The following MGRN1 variants were observed in gnomAD, a reference collection of about 807,000 sequenced individuals.
MGRN1 encodes the protein mahogunin ring finger 1.
MGRN1 carries 29 observed loss-of-function variants against 69.2 expected under a neutral mutation model. That is an observed-to-expected ratio of 0.42 (90% CI 0.31 to 0.57). The LOEUF is 0.57. Among genes scored for constraint, MGRN1 ranks in the 20% least tolerant of loss-of-function variants. MGRN1 has a pLI of 0.15. For synonymous variants in MGRN1, 470 were observed against 344.2 expected, an observed-to-expected ratio of 1.37 and a Z score of -4.04; for missense variants, 998 against 796.2, an observed-to-expected ratio of 1.25 and a Z score of -3.05.
intron 16 of MGRN1, chr16:4,687,422 G>A: frequency 3.3e-6 from 3 of 896,690 alleles, no homozygotes; most frequent in Non-Finnish European, 4.0e-6. Context: ...GCTTGTGCCT[G>A]TGGTCCCAGC....
At position 4,625,161 on chromosome 16, in the gene MGRN1, C is replaced by T. The variant is rs536441291; in HGVS notation, c.88+113C>T. The T allele has an allele frequency of 1.7e-5, 17 of 1,016,172 alleles. No homozygotes were observed. The South Asian group carries it at 2.6e-4, about 16-fold the overall frequency. 62.9% of individuals were successfully genotyped at this position (1,016,172 alleles called of 1,614,324 possible). On this transcript the variant is annotated intron_variant, in intron 1 of 16. Coordinates refer to ENST00000262370, the MANE Select transcript of MGRN1 (RefSeq NM_015246.4). Reference sequence around the variant, plus strand: ...GCCCTGCTCGGCCCCCTCCGGGCCTCGTTGCTACCCCGAGCCTTCGCGCGG... The same window carrying T: ...GCCCTGCTCGGCCCCCTCCGGGCCTTGTTGCTACCCCGAGCCTTCGCGCGG...
intron 1 of MGRN1, among the ~76,000 whole-genome samples, chr16:4,625,329 G>C (rs1427885774): frequency 6.6e-6 from 1 of 152,224 alleles, no homozygotes; most frequent in East Asian, 1.9e-4. Flanking sequence ...TTGCAACAGG[G>C]GGGAGCTCCT....
At position 4,652,762 on chromosome 16, in the gene MGRN1, T is replaced by C; in HGVS notation, c.381T>C (p.Asp127=). 1.9e-6 allele frequency: 3 copies of C among 1,612,494 alleles called. No individual in the cohort carries two copies. The highest frequency in any genetic ancestry group is 2.5e-6 in the Non-Finnish European group (3 of 1,179,362). The stretch of plus-strand genomic sequence containing the variant: ...GCCTGGAGTTCACCTTCGACGCCGA[T>C]GCCCGCGTGGCCATCACCATCTACT... The part of the protein sequence containing the change: ...LYSLEFTFDA[D]ARVAITIYCQ... Residue 127 remains aspartate (D), a synonymous_variant, in exon 4 of 17, where the codon GAT becomes GAC. Coordinates refer to ENST00000262370, the MANE Select transcript of MGRN1 (RefSeq NM_015246.4).
rs1024810821 is a variant in MGRN1 at position 4,688,816 on chromosome 16, A to G, written c.1639A>G (p.Thr547Ala). ...YLPGRPTSME[T>A]AHGLATTSPT... ...TGCAGGACGGCCCACCTCCATGGAG[A>G]CGGCCCACGGCCTCGCCACCACCAG... The change falls in exon 17 of 17, where the codon ACG (threonine) becomes GCG (alanine). Residue 547 changes from threonine to alanine, a missense_variant. Coordinates refer to ENST00000262370, the MANE Select transcript of MGRN1 (RefSeq NM_015246.4). 5.2e-6 allele frequency: 8 copies of G among 1,551,374 alleles called. No homozygotes were observed. In the African/African-American group the frequency reaches 6.9e-5, roughly 13 times the overall value.
At chr16:4,642,911 C>A (rs953391547) in intron 1 of MGRN1, among the ~76,000 whole-genome samples, 1 of 151,926 alleles carries the variant, frequency 6.6e-6, no homozygotes, top group Non-Finnish European at 1.5e-5. Context: ...CTCAGCCTCC[C>A]GAGTACCTTG....
At chr16:4,678,102 C>G (rs535348065) in intron 11 of MGRN1, among the ~76,000 whole-genome samples, 66 of 152,242 alleles carry the variant, frequency 4.3e-4, no homozygotes, top group Non-Finnish European at 4.6e-4. Context: ...CTGCCTCAGC[C>G]TCCCACAGTG....
intron 7 of MGRN1, among the ~76,000 whole-genome samples, chr16:4,666,983 T>C (rs570760564): frequency 2.1e-4 from 32 of 152,304 alleles, no homozygotes; most frequent in African/African-American, 7.0e-4. Context: ...GCTTGTTTGA[T>C]AGTGCCTTGG....
chr16:4,658,339 T>G (rs1427081844), intron 5 of MGRN1, among the ~76,000 whole-genome samples: 2 of 149,258 alleles, frequency 1.3e-5, no homozygotes, highest in Admixed American at 6.7e-5. Context: ...ATCAAGACCA[T>G]CCTGGCTAAC....
chr16:4,664,449 A>G (rs2078753004), intron 5 of MGRN1: 1 of 520,230 alleles, frequency 1.9e-6, no homozygotes, highest in South Asian at 2.4e-5. Flanking sequence ...TGGCGGTTGC[A>G]TGACATTATA....
intron 10 of MGRN1, among the ~76,000 whole-genome samples, chr16:4,673,965 G>T (rs933667175): frequency 6.6e-6 from 1 of 152,204 alleles, no homozygotes; most frequent in Non-Finnish European, 1.5e-5. Context: ...ATGAGTGAAT[G>T]AAATCTTTAT....
chr16:4,687,857 A>ACC, intron 16 of MGRN1: 2 of 985,106 alleles, frequency 2.0e-6, no homozygotes, highest in Non-Finnish European at 2.4e-6. Flanking sequence ...ATTCCCATGA[A>ACC]CCTCTGTCTT....
At position 4,682,906 on chromosome 16, in the gene MGRN1, G is replaced by C. The variant is rs374058293; in HGVS notation, c.1442G>C (p.Gly481Ala). ...SEDVDAPPPL[G>A]GAELALRESS... ...GACGTGGACGCCCCTCCCCCACTGG[G>C]TGGCGCAGAGCTGGCCCTGCGGGAA... Residue 481 changes from glycine to alanine, a missense_variant, in exon 14 of 17, where the codon GGT becomes GCT. Transcript: ENST00000262370. 101 of 1,608,568 alleles carry C rather than the reference G, an allele frequency of 6.3e-5. No individual in the cohort carries two copies. Among genetic ancestry groups the C allele is most frequent in the Non-Finnish European group, 8.6e-5 (101 of 1,176,592 alleles).
At position 4,624,850 on chromosome 16, in the gene MGRN1, C is replaced by G. The variant is rs1380029174; in HGVS notation, c.-111C>G. Reference sequence around the variant, plus strand: ...TGGGGGCTCGAGGCGCCTCCGCGGCCGTGGACGAGCGTCCGTGCGGCCTGG... The same window carrying G: ...TGGGGGCTCGAGGCGCCTCCGCGGCGGTGGACGAGCGTCCGTGCGGCCTGG... On this transcript the variant is annotated 5_prime_UTR_variant, in exon 1 of 17. Coordinates refer to ENST00000262370, the MANE Select transcript of MGRN1 (RefSeq NM_015246.4). 3.1e-5 allele frequency: 27 copies of G among 884,074 alleles called. No homozygotes were observed. Among genetic ancestry groups the G allele is most frequent in the Admixed American group, 4.4e-5 (1 of 22,690 alleles). The allele number at this position is 884,074 out of a possible 1,614,324, so 54.8% of individuals were successfully genotyped here. A position where few individuals can be genotyped will look rare whatever the true frequency, so the allele number is the denominator to read the frequency against.
rs187704381 is a variant in MGRN1 at position 4,657,795 on chromosome 16, C to T, written c.561+432C>T. ...CAGTCTCGCTCTGTCGCCCAGGCTGCAGTGCAGTGGCGCGATCTCGGATCA... is the reference window on the plus strand; with the variant it reads ...CAGTCTCGCTCTGTCGCCCAGGCTGTAGTGCAGTGGCGCGATCTCGGATCA... On this transcript the variant is annotated intron_variant, in intron 5 of 16. Coordinates refer to ENST00000262370, the MANE Select transcript of MGRN1 (RefSeq NM_015246.4). Among the ~76,000 whole-genome samples, 22 of 130,000 alleles carry T rather than the reference C, an allele frequency of 1.7e-4. No individual in the cohort carries two copies. The East Asian group carries it at 2.7e-3, about 16-fold the overall frequency. The allele number at this position is 130,000 out of a possible 152,430, so 85.3% of individuals were successfully genotyped here.
At position 4,677,561 on chromosome 16, in the gene MGRN1, G is replaced by C. The variant is rs1228220946; in HGVS notation, c.1054G>C (p.Asp352His). ...SPVLAQSLEHDEHSCPFKKSK... is the reference protein window; with the variant it reads ...SPVLAQSLEHHEHSCPFKKSK... ...CGTCCTGGCCCAGAGCCTGGAGCATGATGAGCACTCTGTAAGTGCCGCCTC... is the reference window on the plus strand; with the variant it reads ...CGTCCTGGCCCAGAGCCTGGAGCATCATGAGCACTCTGTAAGTGCCGCCTC... Residue 352 changes from aspartate (D) to histidine (H), a missense_variant, in exon 11 of 17, where the codon GAT (aspartate) becomes CAT (histidine). By Grantham distance (81) the Asp-to-His change is moderately conservative. Coordinates refer to ENST00000262370, the MANE Select transcript of MGRN1 (RefSeq NM_015246.4). The C allele has an allele frequency of 3.1e-6, 5 of 1,599,850 alleles. No individual in the cohort carries two copies. In the African/African-American group the frequency reaches 5.3e-5, roughly 17 times the overall value.
At chr16:4,680,843 T>A (rs1352281501) in intron 12 of MGRN1, among the ~76,000 whole-genome samples, 1 of 151,904 alleles carries the variant, frequency 6.6e-6, no homozygotes, top group Non-Finnish European at 1.5e-5. Context: ...CCCGCACCCA[T>A]CTCACTTTCC....
intron 12 of MGRN1, among the ~76,000 whole-genome samples, chr16:4,681,014 G>A (rs1416440940): frequency 4.6e-5 from 7 of 152,356 alleles, no homozygotes; most frequent in African/African-American, 1.2e-4. Flanking sequence ...CCTCAGCCTT[G>A]TTGATTCTGT....
At chr16:4,668,461 A>G (rs1185996054) in intron 8 of MGRN1, 149 bp downstream of exon 8, 12 of 790,152 alleles carry the variant, frequency 1.5e-5, no homozygotes, top group Non-Finnish European at 2.4e-5. Flanking sequence ...TCACTTGCAC[A>G]TATATACGGA....
intron 1 of MGRN1, among the ~76,000 whole-genome samples, chr16:4,627,728 T>C (rs563865641): frequency 3.4e-4 from 52 of 151,062 alleles, no homozygotes; most frequent in Middle Eastern, 3.5e-3. Context: ...AGGTGGAGGC[T>C]GCAGTGAGCC....
Sources: allele counts gnomAD v4.1 joint callset (sites outside exome capture counted in the v4.1 genomes callset), GRCh38; gene constraint gnomAD v4.1.1; transcripts MANE v1.5; gene names NCBI Gene and HGNC (gene_info 2026-07-23, HGNC 2026-07-21).